The following FAM171A2 variants were observed in gnomAD, a reference collection of about 807,000 sequenced individuals.
FAM171A2 encodes protein FAM171A2.
FAM171A2 carries 13 observed loss-of-function variants against 34.2 expected under a neutral mutation model. That is an observed-to-expected ratio of 0.38 (90% CI 0.25 to 0.60). FAM171A2 has a LOEUF of 0.60. Among genes scored for constraint, FAM171A2 ranks in the 20% least tolerant of loss-of-function variants. The pLI is 0.62. For synonymous variants in FAM171A2, 475 were observed against 561.2 expected, an observed-to-expected ratio of 0.85 and a Z score of 2.17; for missense variants, 950 against 1,180.7, an observed-to-expected ratio of 0.80 and a Z score of 2.86.
In FAM171A2 at chr17:44,358,041, C is replaced by T. The variant is rs1000683038; in HGVS notation, c.440-1453G>A. 2.0e-5 allele frequency among the ~76,000 whole-genome samples: 3 copies of T among 152,310 alleles called. No individual in the cohort carries two copies. In the South Asian group the frequency reaches 6.2e-4, roughly 32 times the overall value. ...CAGGCCCATCCTCTGCCATGCCATTCCTCCTGCCTTGCTATCCAAATAGAG... is the reference window on the plus strand; with the variant it reads ...CAGGCCCATCCTCTGCCATGCCATTTCTCCTGCCTTGCTATCCAAATAGAG... On this transcript the variant is annotated intron_variant, in intron 3 of 7. Transcript: ENST00000293443.
Position 44,356,543 on chromosome 17 carries a change from C to T in FAM171A2, c.485G>A (p.Arg162His), listed in dbSNP as rs1350914775. 20 of 1,548,806 alleles carry T rather than the reference C, an allele frequency of 1.3e-5. No homozygotes were observed. Among genetic ancestry groups the T allele is most frequent in the Admixed American group, 7.9e-5 (4 of 50,952 alleles). Residue 162 changes from arginine (R) to histidine (H), a missense_variant, in exon 4 of 8, where the codon CGC becomes CAC. Coordinates refer to ENST00000293443, the MANE Select transcript of FAM171A2 (RefSeq NM_198475.3). Reference protein sequence around the residue: ...PLVQFQRRAARLPVSSTYSQL... With the variant: ...PLVQFQRRAAHLPVSSTYSQL... ...GCTGTAGGTGGAGCTGACAGGCAGG[C>T]GGGCAGCCCGGCGCTGGAACTGCAC...
chr17:44,356,697 T>G (rs2048425790), intron 3 of FAM171A2, 109 bp from the exon 4 acceptor site: 1 of 1,269,224 alleles, frequency 7.9e-7, no homozygotes, highest in African/African-American at 1.5e-5. Context: ...CAGGCCACTT[T>G]GGAAGGCCAG....
At position 44,353,491 on chromosome 17, in the gene FAM171A2, AG is replaced by A. The variant is rs1283835842; in HGVS notation, c.*241del. ...GTCTACACAGGCACTGCTTCCCCCC[AG>A]CCCTCCTCCCCGGCACCTCCCCGTG... On this transcript the variant is annotated 3_prime_UTR_variant, in exon 8 of 8. Coordinates refer to ENST00000293443, the MANE Select transcript of FAM171A2 (RefSeq NM_198475.3). 4.4e-6 allele frequency: 1 copy of A among 226,974 alleles called. No individual in the cohort carries two copies. Among genetic ancestry groups the A allele is most frequent in the Non-Finnish European group, 8.4e-6 (1 of 118,990 alleles). 14.1% of individuals were successfully genotyped at this position (226,974 alleles called of 1,614,324 possible).
intron 1 of FAM171A2, among the ~76,000 whole-genome samples, chr17:44,361,269 C>T (rs561420959): frequency 8.5e-5 from 13 of 152,338 alleles, no homozygotes; most frequent in Non-Finnish European, 1.8e-4. Flanking sequence ...ATCAGCACAG[C>T]CCCTCCCTCA....
At chr17:44,360,864 G>T (rs990040428) in intron 1 of FAM171A2, among the ~76,000 whole-genome samples, 11 of 152,094 alleles carry the variant, frequency 7.2e-5, no homozygotes, top group Non-Finnish European at 1.6e-4. Flanking sequence ...TCAGATTTAG[G>T]GACTCACCCC....
Position 44,355,588 on chromosome 17 carries a change from T to A in FAM171A2, c.1022+127A>T. The A allele has an allele frequency of 1.5e-6, 2 of 1,345,674 alleles. No individual in the cohort carries two copies. The highest frequency in any genetic ancestry group is 2.0e-6 in the Non-Finnish European group (2 of 990,866). 83.4% of individuals were successfully genotyped at this position (1,345,674 alleles called of 1,614,324 possible). A position where few individuals can be genotyped will look rare whatever the true frequency, so the allele number is the denominator to read the frequency against. ...CAACCACCAGCACCAGCCCTTCAGG[T>A]CTTAGCATGTTTGCAGGAAGTCTTT... is the stretch of plus-strand genomic sequence containing the variant. On this transcript the variant is annotated intron_variant, in intron 7 of 7. Transcript: ENST00000293443. The surrounding 1 kb of genome is among the most constrained non-coding windows in gnomAD (Gnocchi z 4.1).
chr17:44,353,538 T>A lies in FAM171A2; in HGVS notation c.*195A>T. The A allele has an allele frequency of 1.1e-5, 3 of 277,576 alleles. No homozygotes were observed. Among genetic ancestry groups the A allele is most frequent in the African/African-American group, 2.5e-5 (1 of 40,404 alleles). 17.2% of individuals were successfully genotyped at this position (277,576 alleles called of 1,614,324 possible). On this transcript the variant is annotated 3_prime_UTR_variant, in exon 8 of 8. Transcript: ENST00000293443. ...CCGTGGGGGTCTGGACCCCCCCTCCTCCCCGGCTTGGAGGCAGACACAGGG... is the reference window on the plus strand; with the variant it reads ...CCGTGGGGGTCTGGACCCCCCCTCCACCCCGGCTTGGAGGCAGACACAGGG...
chr17:44,363,490 A>C, intron 1 of FAM171A2, 107 bp downstream of exon 1: 5 of 435,966 alleles, frequency 1.1e-5, no homozygotes, highest in Non-Finnish European at 1.8e-5. Flanking sequence ...AATCCAGGGA[A>C]CAGAATACCA....
intron 1 of FAM171A2, among the ~76,000 whole-genome samples, chr17:44,361,595 T>C (rs575297818): frequency 6.6e-6 from 1 of 152,282 alleles, no homozygotes; most frequent in South Asian, 2.1e-4. Flanking sequence ...GCTGTTCCCC[T>C]GAGCCCACCT....
In FAM171A2 at chr17:44,355,434, A is replaced by G. The variant is rs1220850392; in HGVS notation, c.1023-243T>C. Among the ~76,000 whole-genome samples, 1 of 152,132 alleles carries G rather than the reference A, an allele frequency of 6.6e-6. No individual in the cohort carries two copies. The highest frequency in any genetic ancestry group is 1.5e-5 in the Non-Finnish European group (1 of 68,006). On this transcript the variant is annotated intron_variant, in intron 7 of 7. Coordinates refer to ENST00000293443, the MANE Select transcript of FAM171A2 (RefSeq NM_198475.3). This position sits in a 1 kb window ranked among gnomAD's most constrained non-coding sequence, Gnocchi z 4.1. ...CCAGGGATGAGCATCTAAGCTGTCT[A>G]TGGGTGTGTCCGGCCTGGAGTCCTC...
chr17:44,357,989 C>T (rs745691279), intron 3 of FAM171A2, among the ~76,000 whole-genome samples: 12 of 152,156 alleles, frequency 7.9e-5, no homozygotes, highest in Non-Finnish European at 1.6e-4. Context: ...TCCTCGAGCC[C>T]GGATAGAAGC....
chr17:44,355,193 TG>T lies in FAM171A2; in HGVS notation c.1023-3del, dbSNP rs773288680. 112 of 1,549,918 alleles carry T rather than the reference TG, an allele frequency of 7.2e-5. No homozygotes were observed. Among genetic ancestry groups the T allele is most frequent in the Non-Finnish European group, 9.5e-5 (109 of 1,146,620 alleles). On this transcript the variant is annotated splice_polypyrimidine_tract_variant and splice_region_variant and intron_variant, in intron 7 of 7. Coordinates refer to ENST00000293443, the MANE Select transcript of FAM171A2 (RefSeq NM_198475.3). This position sits in a 1 kb window ranked among gnomAD's most constrained non-coding sequence, Gnocchi z 4.1. ...TGCCTCGGCTTCAGGCAGCGCCTCCTGGAAGGGAGGGAGCAGAAGGGGCCGC... is the reference window on the plus strand; with the variant it reads ...TGCCTCGGCTTCAGGCAGCGCCTCCTGAAGGGAGGGAGCAGAAGGGGCCGC...
In FAM171A2 at chr17:44,355,331, G is replaced by T; in HGVS notation, c.1023-140C>A. On this transcript the variant is annotated intron_variant, in intron 7 of 7. Transcript: ENST00000293443. This position sits in a 1 kb window ranked among gnomAD's most constrained non-coding sequence, Gnocchi z 4.1. The stretch of plus-strand genomic sequence containing the variant: ...GCCTGGGGCGCTCAGGAGAGATGGC[G>T]GGGAGCCGCCGTGTCCGTTTGGCGA... 1 of 1,404,620 alleles carries T rather than the reference G, an allele frequency of 7.1e-7. No individual in the cohort carries two copies. Among genetic ancestry groups the T allele is most frequent in the Non-Finnish European group, 9.4e-7 (1 of 1,065,574 alleles). 87.0% of individuals were successfully genotyped at this position (1,404,620 alleles called of 1,614,324 possible).
Position 44,354,398 on chromosome 17 carries a change from C to A in FAM171A2, c.1816G>T (p.Ala606Ser). The A allele has an allele frequency of 1.6e-6, 2 of 1,227,472 alleles. No individual in the cohort carries two copies. The highest frequency in any genetic ancestry group is 2.1e-6 in the Non-Finnish European group (2 of 974,238). 76.0% of individuals were successfully genotyped at this position (1,227,472 alleles called of 1,614,324 possible). A position where few individuals can be genotyped will look rare whatever the true frequency, so the allele number is the denominator to read the frequency against. The part of the protein sequence containing the change: ...GGGGGGEGWG[A>S]GRAAPVSGSV... ...CCACTGACGGGCGCCGCGCGCCCGG[C>A]CCCCCAGCCCTCGCCGCCGCCCCCG... Residue 606 changes from alanine to serine, a missense_variant, in exon 8 of 8, where the codon GCC becomes TCC. Around this residue, in one of 3 missense-constraint regions of FAM171A2, gnomAD observed 752 missense variants for 924.5 expected, o/e 0.81. Transcript: ENST00000293443. The surrounding 1 kb of genome is among the most constrained non-coding windows in gnomAD (Gnocchi z 5.8).
chr17:44,356,132 T>G (rs2048422168), intron 5 of FAM171A2, 41 bp downstream of exon 5: 1 of 1,524,258 alleles, frequency 6.6e-7, no homozygotes. Context: ...TCCCACTTTC[T>G]TCTCTCAACT....
chr17:44,356,195 GGCTGGAAT>G lies in FAM171A2; in HGVS notation c.748_755del (p.Ile250LeufsTer4). The G allele has an allele frequency of 6.5e-7, 1 of 1,549,782 alleles. No individual in the cohort carries two copies. The highest frequency in any genetic ancestry group is 1.2e-5 in the South Asian group (1 of 83,980). On this transcript the variant is annotated frameshift_variant, in exon 5 of 8. Coordinates refer to ENST00000293443, the MANE Select transcript of FAM171A2 (RefSeq NM_198475.3). LOFTEE classifies it high-confidence loss of function. ...TACCACTCTTGGGGTCAAATCTCCA[GGCTGGAAT>G]GCTGGTGCCCACGGTGAGGGCACGA... is the stretch of plus-strand genomic sequence containing the variant.
chr17:44,355,315 G>A lies in FAM171A2; in HGVS notation c.1023-124C>T, dbSNP rs962842852. 5.6e-6 allele frequency: 8 copies of A among 1,439,742 alleles called. No homozygotes were observed. Among genetic ancestry groups the A allele is most frequent in the South Asian group, 1.4e-5 (1 of 69,468 alleles). 89.2% of individuals were successfully genotyped at this position (1,439,742 alleles called of 1,614,324 possible). On this transcript the variant is annotated intron_variant, in intron 7 of 7. Coordinates refer to ENST00000293443, the MANE Select transcript of FAM171A2 (RefSeq NM_198475.3). This position sits in a 1 kb window ranked among gnomAD's most constrained non-coding sequence, Gnocchi z 4.1. ...AAGAGGTGGGGAGAATGCCTGGGGC[G>A]CTCAGGAGAGATGGCGGGGAGCCGC...
rs537424344 is a variant in FAM171A2, at chr17:44,363,295, G to A, written c.118+302C>T. On this transcript the variant is annotated intron_variant, in intron 1 of 7. Coordinates refer to ENST00000293443, the MANE Select transcript of FAM171A2 (RefSeq NM_198475.3). ...GTGTCTTCGGTAGACAATGGCTCAGGCAGCAGCGCCTCGCGGACCAGGAGG... is the reference window on the plus strand; with the variant it reads ...GTGTCTTCGGTAGACAATGGCTCAGACAGCAGCGCCTCGCGGACCAGGAGG... Among the ~76,000 whole-genome samples the A allele has an allele frequency of 7.2e-4, 110 of 152,274 alleles. 1 individual carries two copies. The highest frequency in any genetic ancestry group is 1.9e-3 in the South Asian group (9 of 4,832).
Position 44,354,369 on chromosome 17 carries a change from T to A in FAM171A2, c.1845A>T (p.Ser615=). The part of the protein sequence containing the change: ...GAGRAAPVSG[S]VTIPVLFNES... ...CGTTGAATAGCACAGGGATGGTGAC[T>A]GAGCCACTGACGGGCGCCGCGCGCC... Residue 615 remains serine, a synonymous_variant, in exon 8 of 8, where the codon TCA becomes TCT. Coordinates refer to ENST00000293443, the MANE Select transcript of FAM171A2 (RefSeq NM_198475.3). This position sits in a 1 kb window ranked among gnomAD's most constrained non-coding sequence, Gnocchi z 5.8. 7.4e-7 allele frequency: 1 copy of A among 1,345,496 alleles called. No individual in the cohort carries two copies. The highest frequency in any genetic ancestry group is 3.3e-5 in the East Asian group (1 of 30,324). 83.3% of individuals were successfully genotyped at this position (1,345,496 alleles called of 1,614,324 possible). A position where few individuals can be genotyped will look rare whatever the true frequency, so the allele number is the denominator to read the frequency against.
Sources: allele counts gnomAD v4.1 joint callset (sites outside exome capture counted in the v4.1 genomes callset), GRCh38; gene constraint gnomAD v4.1.1; regional missense constraint gnomAD v4.1.1; non-coding constraint Gnocchi (gnomAD v3.1); transcripts MANE v1.5; gene names NCBI Gene and HGNC (gene_info 2026-07-23, HGNC 2026-07-21).